ZNF664: variants seen among roughly 807,000 people sequenced by gnomAD.
ZNF664 encodes the protein zinc finger Organ of Corti 1.
In ZNF664, 10 loss-of-function variants were observed where a neutral mutation model predicts 18.2. The ratio of observed to expected loss-of-function variants is 0.55; its 90% CI spans 0.34 to 0.93. The LOEUF (loss-of-function observed/expected upper bound fraction) is 0.93, where lower values mean the gene tolerates loss of function less well. Ranked by LOEUF, ZNF664 falls within the 40% of genes least tolerant of loss-of-function variation. The pLI, the probability that ZNF664 is intolerant of heterozygous loss-of-function variation, is 0.02. For synonymous variants in ZNF664, 119 were observed against 104.2 expected (o/e 1.14, Z -0.86); for missense variants, 193 against 319.0 (o/e 0.61, Z 3.01).
chr12:124,001,993 A>G (rs1481573948), intron 3 of ZNF664, among the ~76,000 whole-genome samples: 1 of 152,364 alleles, frequency 6.6e-6, no homozygotes, highest in East Asian at 1.9e-4. Flanking sequence ...AGCATGTGCA[A>G]AAATGAGCAC....
chr12:123,982,627 A>G (rs1227489012), intron 2 of ZNF664, among the ~76,000 whole-genome samples: 2 of 152,158 alleles, frequency 1.3e-5, no homozygotes, highest in Non-Finnish European at 2.9e-5. Context: ...CTTGGGTTCC[A>G]CGCTCACCGT....
At chr12:124,011,518 AATTT>A (rs1957135900) in intron 4 of ZNF664, 24 bp from the exon 5 acceptor site, 1 of 799,252 alleles carries the variant, frequency 1.3e-6, no homozygotes, top group African/African-American at 1.9e-5. Flanking sequence ...AAGCATTTTC[AATTT>A]ATTTATTTAT....
intron 3 of ZNF664, among the ~76,000 whole-genome samples, chr12:123,992,581 G>A (rs1198429531): frequency 6.6e-6 from 1 of 152,130 alleles, no homozygotes; most frequent in Non-Finnish European, 1.5e-5. Flanking sequence ...CAGCATGTTC[G>A]GGAAATGCTG....
chr12:123,978,839 C>T (rs1264539284), intron 2 of ZNF664, among the ~76,000 whole-genome samples: 1 of 152,100 alleles, frequency 6.6e-6, no homozygotes, highest in African/African-American at 2.4e-5. Flanking sequence ...AAGTAGAATC[C>T]AGTAACAGAC....
At chr12:123,979,593 A>G (rs1191693104) in intron 2 of ZNF664, among the ~76,000 whole-genome samples, 1 of 152,252 alleles carries the variant, frequency 6.6e-6, no homozygotes, top group Non-Finnish European at 1.5e-5. Context: ...AGCGTCATTT[A>G]TAATGAAAAA....
At chr12:123,988,534 C>T (rs979203066) in intron 3 of ZNF664, among the ~76,000 whole-genome samples, 2 of 151,992 alleles carry the variant, frequency 1.3e-5, no homozygotes, top group South Asian at 2.1e-4. Flanking sequence ...CTATCCTCAC[C>T]GAGCTATCAA....
chr12:123,996,908 C>T (rs1956954922), intron 3 of ZNF664, among the ~76,000 whole-genome samples: 1 of 152,198 alleles, frequency 6.6e-6, no homozygotes, highest in African/African-American at 2.4e-5. Flanking sequence ...TGTGAAGCCA[C>T]TGCTCACCCC....
intron 3 of ZNF664, among the ~76,000 whole-genome samples, chr12:124,001,801 C>T (rs1957015948): frequency 6.6e-6 from 1 of 152,268 alleles, no homozygotes; most frequent in Admixed American, 6.5e-5. Context: ...TGATTCTGCA[C>T]TGCTGAAGGC....
intron 2 of ZNF664, chr12:123,974,422 C>G (rs778943375): frequency 3.1e-5 from 5 of 163,080 alleles, no homozygotes; most frequent in Admixed American, 6.4e-5. Context: ...CAGGCTGGAA[C>G]GGTTTTTAGG....
chr12:123,998,849 T>G (rs1216584301), intron 3 of ZNF664: 3 of 152,572 alleles, frequency 2.0e-5, no homozygotes, highest in Non-Finnish European at 4.4e-5. Flanking sequence ...GCTCTGACCC[T>G]GTGCCTCAGA....
intron 2 of ZNF664, among the ~76,000 whole-genome samples, chr12:123,986,850 A>G (rs938572501): frequency 1.3e-5 from 2 of 152,236 alleles, no homozygotes; most frequent in African/African-American, 4.8e-5. Context: ...TATCAAGACC[A>G]CTTGAAATTC....
Position 123,973,916 on chromosome 12 carries a change from A to G in ZNF664, c.-861A>G, listed in dbSNP as rs1358261398. On this transcript the variant is annotated 5_prime_UTR_variant, in exon 2 of 5. Coordinates refer to ENST00000337815, the MANE Select transcript of ZNF664 (RefSeq NM_152437.3). ...CCTGCGTCCGGCAGAGGAGGCGAGC[A>G]TCCCGCTCAGGTGATGAGGAACCCC... 21 of 1,231,786 alleles carry G rather than the reference A, an allele frequency of 1.7e-5. No homozygotes were observed. Among genetic ancestry groups the G allele is most frequent in the Non-Finnish European group, 2.0e-5 (20 of 988,110 alleles). The allele number at this position is 1,231,786 out of a possible 1,614,324, so 76.3% of individuals were successfully genotyped here.
chr12:124,015,174 A>C lies in ZNF664; in HGVS notation c.*2244A>C, dbSNP rs1372573780. ...GTATGTGAGCTTGGGCAAATCGCTTAATCTTTGAGTCTAGTTTTCTCTCAA... is the reference window on the plus strand; with the variant it reads ...GTATGTGAGCTTGGGCAAATCGCTTCATCTTTGAGTCTAGTTTTCTCTCAA... On this transcript the variant is annotated 3_prime_UTR_variant, in exon 5 of 5. Transcript: ENST00000337815. 1 of 167,090 alleles carries C rather than the reference A, an allele frequency of 6.0e-6. No individual in the cohort carries two copies. Among genetic ancestry groups the C allele is most frequent in the Non-Finnish European group, 1.5e-5 (1 of 68,126 alleles). 10.4% of individuals were successfully genotyped at this position (167,090 alleles called of 1,614,324 possible).
chr12:123,976,352 G>A (rs1956691544), intron 2 of ZNF664, among the ~76,000 whole-genome samples: 1 of 152,202 alleles, frequency 6.6e-6, no homozygotes, highest in Admixed American at 6.5e-5. Flanking sequence ...GAAAGTGGGG[G>A]ATAATTTTCC....
rs1201284220 is a variant in ZNF664 at position 124,014,619 on chromosome 12, G to C, written c.*1689G>C. The C allele has an allele frequency of 6.0e-6, 1 of 167,112 alleles. No individual in the cohort carries two copies. The highest frequency in any genetic ancestry group is 6.5e-5 in the Admixed American group (1 of 15,284). The allele number at this position is 167,112 out of a possible 1,614,324, so 10.4% of individuals were successfully genotyped here. On this transcript the variant is annotated 3_prime_UTR_variant, in exon 5 of 5. Coordinates refer to ENST00000337815, the MANE Select transcript of ZNF664 (RefSeq NM_152437.3). The stretch of plus-strand genomic sequence containing the variant: ...GGATCTTTGAAGCTCTGAAATAGGT[G>C]ATCAGGTTAGTGGTGTCTGTCAGCT...
rs976361430 is a variant in ZNF664 at position 124,011,912 on chromosome 12, A to G, written c.-233A>G. 4.5e-5 allele frequency: 60 copies of G among 1,324,106 alleles called. No homozygotes were observed. The highest frequency in any genetic ancestry group is 5.5e-5 in the Non-Finnish European group (57 of 1,043,714). The allele number at this position is 1,324,106 out of a possible 1,614,324, so 82.0% of individuals were successfully genotyped here. ...AGTTACAGAATTCACGTGGAAGTCA[A>G]TGTCACTTTATAATCGATAATAATA... On this transcript the variant is annotated 5_prime_UTR_variant, in exon 5 of 5. It removes an upstream start codon present in the reference 5' UTR. Transcript: ENST00000337815.
In ZNF664 at chr12:124,013,147, C is replaced by G. The variant is rs569919949; in HGVS notation, c.*217C>G. 3.0e-4 allele frequency: 197 copies of G among 647,064 alleles called. 3 individuals carry two copies. In the South Asian group the frequency reaches 4.1e-3, roughly 14 times the overall value. The allele number at this position is 647,064 out of a possible 1,614,324, so 40.1% of individuals were successfully genotyped here. A position where few individuals can be genotyped will look rare whatever the true frequency, so the allele number is the denominator to read the frequency against. On this transcript the variant is annotated 3_prime_UTR_variant, in exon 5 of 5. Transcript: ENST00000337815. ...CTCTGAGCATCCACGCAGGATGGCT[C>G]TCAGGTCCCAGTCACAGACGTCGCT... is the stretch of plus-strand genomic sequence containing the variant.
rs984183723 is a variant in ZNF664, at chr12:124,013,253, C to A, written c.*323C>A. 9 of 360,534 alleles carry A rather than the reference C, an allele frequency of 2.5e-5. No homozygotes were observed. The highest frequency in any genetic ancestry group is 4.7e-5 in the Non-Finnish European group (9 of 190,216). 22.3% of individuals were successfully genotyped at this position (360,534 alleles called of 1,614,324 possible). On this transcript the variant is annotated 3_prime_UTR_variant, in exon 5 of 5. Coordinates refer to ENST00000337815, the MANE Select transcript of ZNF664 (RefSeq NM_152437.3). ...ATCATTGCCCGGCCTCCTGAGTCAC[C>A]TTCTATCTATACTTTGCTTAAAAGC...
rs777414816 is a variant in ZNF664 at position 124,012,160 on chromosome 12, C to G, written c.16C>G (p.Pro6Ala). The G allele has an allele frequency of 5.0e-6, 8 of 1,610,650 alleles. No homozygotes were observed. Among genetic ancestry groups the G allele is most frequent in the Non-Finnish European group, 4.2e-6 (5 of 1,179,156 alleles). MIYKC[P>A]MCREFFSERA... ...AATAGGAAAAATGATCTACAAGTGC[C>G]CCATGTGTAGGGAATTTTTCTCTGA... is the stretch of plus-strand genomic sequence containing the variant. The change falls in exon 5 of 5, where the codon CCC (proline) becomes GCC (alanine). Residue 6 changes from proline (P) to alanine (A), a missense_variant. This residue lies in a region of ZNF664 where 90 missense variants were observed against 118.9 expected (regional missense o/e 0.76). Transcript: ENST00000337815.
Sources: allele counts gnomAD v4.1 joint callset (sites outside exome capture counted in the v4.1 genomes callset), GRCh38; gene constraint gnomAD v4.1.1; regional missense constraint gnomAD v4.1.1; transcripts MANE v1.5; gene names NCBI Gene and HGNC (gene_info 2026-07-23, HGNC 2026-07-21).